The following VDR variants were observed in gnomAD, a reference collection of about 807,000 sequenced individuals.
VDR encodes the protein vitamin D receptor, also known as vitamin D3 receptor.
Under a neutral mutation model 39.7 loss-of-function variants are expected in VDR, and 19 were observed. The ratio of observed to expected loss-of-function variants is 0.48; its 90% confidence interval spans 0.33 to 0.70. The LOEUF (loss-of-function observed/expected upper bound fraction) is 0.70, where lower values mean the gene tolerates loss of function less well. VDR is among the 30% of genes least tolerant of loss of function. The probability of loss-of-function intolerance (pLI) is 0.02; values close to 1 mark genes in which losing one functional copy is unlikely to be tolerated. For synonymous variants in VDR, 242 were observed against 215.8 expected (o/e 1.12, Z -1.07); for missense variants, 442 against 570.5 (o/e 0.77, Z 2.29).
chr12:47,895,952 GC>G (rs5798050), intron 1 of VDR, among the ~76,000 whole-genome samples: 1 of 152,156 alleles, frequency 6.6e-6, no homozygotes, highest in Non-Finnish European at 1.5e-5. Context: ...CCTGGCCCTG[GC>G]CCCCTGACCA....
At chr12:47,887,966 G>T (rs1946289588) in intron 1 of VDR, among the ~76,000 whole-genome samples, 1 of 152,196 alleles carries the variant, frequency 6.6e-6, no homozygotes, top group Admixed American at 6.5e-5. Flanking sequence ...GACACCCCCT[G>T]CAGTATCAGG....
In VDR at chr12:47,860,432, T is replaced by C. The variant is rs553761219; in HGVS notation, c.278-2744A>G. 3.9e-5 allele frequency among the ~76,000 whole-genome samples: 6 copies of C among 152,304 alleles called. No homozygotes were observed. In the South Asian group the frequency reaches 1.0e-3, roughly 26 times the overall value. On this transcript the variant is annotated intron_variant, in intron 4 of 9. Transcript: ENST00000549336. ...GTTCAGGAAAGGCTAGTGAGTACTC[T>C]AGTGCTGCTTGTCTCCTGCAATGTA...
intron 9 of VDR, 138 bp from the exon 10 acceptor site, chr12:47,845,143 G>T: frequency 7.4e-7 from 1 of 1,359,502 alleles, no homozygotes; most frequent in Non-Finnish European, 1.0e-6. Context: ...GCTGACCGGT[G>T]ATACCACTGC....
At chr12:47,901,612 C>T (rs931053904) in intron 1 of VDR, 2 of 153,824 alleles carry the variant, frequency 1.3e-5, no homozygotes, top group Non-Finnish European at 2.9e-5. Context: ...GTTTGCCTAC[C>T]CTTGCCTTCC....
intron 1 of VDR, chr12:47,904,732 T>C: frequency 1.6e-6 from 2 of 1,228,060 alleles, no homozygotes; most frequent in Non-Finnish European, 2.3e-6. Context: ...AGGATGTCGC[T>C]GCTCCCCTCG....
At chr12:47,901,711 C>G (rs1946563542) in intron 1 of VDR, among the ~76,000 whole-genome samples, 1 of 152,168 alleles carries the variant, frequency 6.6e-6, no homozygotes, top group Non-Finnish European at 1.5e-5. Flanking sequence ...AATGTGGAGG[C>G]TGTAGATATG....
chr12:47,853,149 T>C (rs544571271), intron 7 of VDR, among the ~76,000 whole-genome samples: 1 of 152,342 alleles, frequency 6.6e-6, no homozygotes, highest in Non-Finnish European at 1.5e-5. Context: ...AATACTCTAT[T>C]GTTTTAAGAA....
intron 9 of VDR, among the ~76,000 whole-genome samples, 187 bp downstream of exon 9, chr12:47,846,148 C>T (rs1442325740): frequency 6.6e-6 from 1 of 152,250 alleles, no homozygotes; most frequent in East Asian, 1.9e-4. Flanking sequence ...GAGCTAAGGG[C>T]AGTGAGGGGC....
At position 47,842,397 on chromosome 12, in the gene VDR, G is replaced by C. The variant is rs963617866; in HGVS notation, c.*2349C>G. 8 of 152,362 alleles carry C rather than the reference G, an allele frequency of 5.3e-5. No homozygotes were observed. The highest frequency in any genetic ancestry group is 1.0e-4 in the Non-Finnish European group (7 of 68,074). 9.4% of individuals were successfully genotyped at this position (152,362 alleles called of 1,614,324 possible). A position where few individuals can be genotyped will look rare whatever the true frequency, so the allele number is the denominator to read the frequency against. ...GGTCAGCCACCTGGGGAATGAGAGT[G>C]GGGGTCTGAGCTCAAACATGGTGTA... On this transcript the variant is annotated 3_prime_UTR_variant, in exon 10 of 10. Coordinates refer to ENST00000549336, the MANE Select transcript of VDR (RefSeq NM_000376.3).
At chr12:47,851,159 G>A (rs990502552) in intron 7 of VDR, among the ~76,000 whole-genome samples, 2 of 152,156 alleles carry the variant, frequency 1.3e-5, no homozygotes, top group Non-Finnish European at 2.9e-5. Flanking sequence ...TAGCAGAAGA[G>A]GGCAGGGCTG....
intron 2 of VDR, among the ~76,000 whole-genome samples, chr12:47,881,690 G>A (rs1356864602): frequency 6.6e-6 from 1 of 152,034 alleles, no homozygotes; most frequent in Non-Finnish European, 1.5e-5. Flanking sequence ...TATACAAAAC[G>A]TTTCATAATT....
chr12:47,860,484 G>C (rs1399767420), intron 4 of VDR, among the ~76,000 whole-genome samples: 1 of 152,238 alleles, frequency 6.6e-6, no homozygotes, highest in Non-Finnish European at 1.5e-5. Context: ...ACACCAGAGA[G>C]CTGAGAAAGC....
In VDR at chr12:47,882,727, G is replaced by A; in HGVS notation, c.-36C>T. The A allele has an allele frequency of 2.7e-6, 4 of 1,504,438 alleles. No individual in the cohort carries two copies. Among genetic ancestry groups the A allele is most frequent in the Non-Finnish European group, 3.5e-6 (4 of 1,128,686 alleles). 93.2% of individuals were successfully genotyped at this position (1,504,438 alleles called of 1,614,324 possible). On this transcript the variant is annotated 5_prime_UTR_variant, in exon 2 of 10. Transcript: ENST00000549336. ...GCAGGGGGCAGGTAAGTGGAGCCCAGGGGTGCTCTTCTGTGAGGTCTCACA... is the reference window on the plus strand; with the variant it reads ...GCAGGGGGCAGGTAAGTGGAGCCCAAGGGTGCTCTTCTGTGAGGTCTCACA...
chr12:47,845,354 A>C (rs984089094), intron 9 of VDR, among the ~76,000 whole-genome samples: 1 of 151,618 alleles, frequency 6.6e-6, no homozygotes, highest in Non-Finnish European at 1.5e-5. Context: ...CTGCTCTGCT[A>C]TCTTTGCCAG....
At chr12:47,859,917 C>CTT (rs1565615373) in intron 4 of VDR, among the ~76,000 whole-genome samples, 801 of 45,406 alleles carry the variant, frequency 0.018, 1 homozygote, top group Middle Eastern at 0.034. Flanking sequence ...TTCCTTCCTT[C>CTT]TTTCTTTTTC....
chr12:47,893,708 T>C (rs1301923273), intron 1 of VDR, among the ~76,000 whole-genome samples: 1 of 152,190 alleles, frequency 6.6e-6, no homozygotes, highest in Admixed American at 6.5e-5. Flanking sequence ...GCCTACTCTG[T>C]TCTGGTCAAC....
intron 3 of VDR, among the ~76,000 whole-genome samples, chr12:47,872,759 T>C (rs1945909141): frequency 6.6e-6 from 1 of 152,204 alleles, no homozygotes; most frequent in Non-Finnish European, 1.5e-5. Flanking sequence ...AGTTATACTT[T>C]CCAAGTTCCA....
intron 7 of VDR, among the ~76,000 whole-genome samples, chr12:47,850,359 C>T (rs571003525): frequency 6.6e-6 from 1 of 152,268 alleles, no homozygotes; most frequent in South Asian, 2.1e-4. Flanking sequence ...TTCCATTTAT[C>T]TATTTTTGAA....
chr12:47,899,810 C>T (rs1946528275), intron 1 of VDR: 1 of 815,094 alleles, frequency 1.2e-6, no homozygotes, highest in Non-Finnish European at 1.5e-6. Context: ...CCCCACTATG[C>T]CTGCTAGAGA....
Sources: gnomAD v4.1 joint callset for allele counts (sites outside exome capture counted in the v4.1 genomes callset) on GRCh38, gnomAD v4.1.1 for gene constraint, MANE v1.5 for transcripts, NCBI Gene and HGNC (gene_info 2026-07-23, HGNC 2026-07-21) for gene names.